SOX13: variants seen among roughly 807,000 people sequenced by gnomAD.
SOX13 encodes the protein SRY-box transcription factor 13.
SOX13 carries 28 observed loss-of-function variants against 71.8 expected under a neutral mutation model. The ratio of observed to expected loss-of-function variants is 0.39; its 90% CI spans 0.29 to 0.53. The LOEUF (loss-of-function observed/expected upper bound fraction) is 0.53. SOX13 is among the 20% of genes least tolerant of loss of function. The pLI, the probability that SOX13 is intolerant of heterozygous loss-of-function variation, is 0.70. For synonymous variants in SOX13, 309 were observed against 317.8 expected, an observed-to-expected ratio of 0.97 and a Z score of 0.29; for missense variants, 627 against 810.3, an observed-to-expected ratio of 0.77 and a Z score of 2.75.
At position 204,114,301 on chromosome 1, in the gene SOX13, C is replaced by G; in HGVS notation, c.220-20C>G. 1.3e-6 allele frequency: 2 copies of G among 1,513,550 alleles called. No individual in the cohort carries two copies. The highest frequency in any genetic ancestry group is 1.8e-6 in the Non-Finnish European group (2 of 1,102,850). The allele number at this position is 1,513,550 out of a possible 1,614,324, so 93.8% of individuals were successfully genotyped here. A position where few individuals can be genotyped will look rare whatever the true frequency, so the allele number is the denominator to read the frequency against. On this transcript the variant is annotated intron_variant, in intron 2 of 13. Transcript: ENST00000367204. Reference sequence around the variant, plus strand: ...CCCCTTCTCTTGGGGGTTATGGTGACAATTCAGTATGTCTTGCAGGACTGT... The same window carrying G: ...CCCCTTCTCTTGGGGGTTATGGTGAGAATTCAGTATGTCTTGCAGGACTGT...
At position 204,123,120 on chromosome 1, in the gene SOX13, C is replaced by T. The variant is rs1656845539; in HGVS notation, c.1143C>T (p.Ile381=). Residue 381 remains isoleucine (I), a synonymous_variant, in exon 11 of 14, where the codon ATC becomes ATT. Coordinates refer to ENST00000367204, the MANE Select transcript of SOX13 (RefSeq NM_005686.3). The surrounding 1 kb of genome is among the most constrained non-coding windows in gnomAD (Gnocchi z 5.0). ...TGCCCCTGTCAACCTAGGACCTCATCAGCCTGGACTCATCCCCAGCCAAGG... is the reference window on the plus strand; with the variant it reads ...TGCCCCTGTCAACCTAGGACCTCATTAGCCTGGACTCATCCCCAGCCAAGG... ...SPNTPFRKDL[I]SLDSSPAKER... is the part of the protein sequence containing the mutation. The T allele has an allele frequency of 6.2e-7, 1 of 1,613,754 alleles. No individual in the cohort carries two copies. Among genetic ancestry groups the T allele is most frequent in the South Asian group, 1.1e-5 (1 of 91,078 alleles).
intron 4 of SOX13, chr1:204,115,941 C>T (rs1656683705): frequency 1.4e-5 from 3 of 211,862 alleles, no homozygotes; most frequent in Non-Finnish European, 2.9e-5. Flanking sequence ...GCTGGGATTA[C>T]AGGCGTGAGC....
Position 204,124,745 on chromosome 1 carries a change from A to C in SOX13, c.1480A>C (p.Lys494Gln). The change falls in exon 13 of 14, where the codon AAG (lysine) becomes CAG (glutamine). Residue 494 changes from lysine to glutamine, a missense_variant. Physicochemically the swap from Lys to Gln is moderately conservative, Grantham distance 53. Coordinates refer to ENST00000367204, the MANE Select transcript of SOX13 (RefSeq NM_005686.3). ...HLEKYPDYKY[K>Q]PRPKRTCIVE... ...GGAGAAGTATCCTGACTACAAGTACAAGCCGCGGCCCAAGCGCACCTGCAT... is the reference window on the plus strand; with the variant it reads ...GGAGAAGTATCCTGACTACAAGTACCAGCCGCGGCCCAAGCGCACCTGCAT... The C allele has an allele frequency of 6.2e-7, 1 of 1,611,162 alleles. No individual in the cohort carries two copies. Among genetic ancestry groups the C allele is most frequent in the South Asian group, 1.1e-5 (1 of 90,336 alleles).
At chr1:204,086,499 T>C (rs904045371) in intron 1 of SOX13, among the ~76,000 whole-genome samples, 3 of 151,604 alleles carry the variant, frequency 2.0e-5, no homozygotes, top group African/African-American at 7.3e-5. Flanking sequence ...AGAAGGAGTT[T>C]ATCATGTTGG....
intron 1 of SOX13, among the ~76,000 whole-genome samples, chr1:204,102,550 T>C (rs2102242898): frequency 6.6e-6 from 1 of 151,866 alleles, no homozygotes; most frequent in South Asian, 2.1e-4. Context: ...GCTTCCAGGG[T>C]GGTTGGGGAC....
chr1:204,082,020 C>G (rs138211709), intron 1 of SOX13, among the ~76,000 whole-genome samples: 3,187 of 151,564 alleles, frequency 0.021, 39 homozygotes, highest in Middle Eastern at 0.041. Context: ...CCCCTTCAGC[C>G]CCTGCTGTTT....
At chr1:204,099,064 G>A (rs1656309394) in intron 1 of SOX13, among the ~76,000 whole-genome samples, 1 of 152,228 alleles carries the variant, frequency 6.6e-6, no homozygotes, top group South Asian at 2.1e-4. Flanking sequence ...TGGCCCAGCA[G>A]AGGTGGGACA....
At chr1:204,092,530 A>T (rs866216385) in intron 1 of SOX13, among the ~76,000 whole-genome samples, 59 of 152,370 alleles carry the variant, frequency 3.9e-4, no homozygotes, top group African/African-American at 1.3e-3. Context: ...GTGGGAAAAG[A>T]ATAACACCTA....
At position 204,120,751 on chromosome 1, in the gene SOX13, C is replaced by T. The variant is rs1195980616; in HGVS notation, c.776-1149C>T. ...TTGCTGGTGCTCTGTCTGTGTGGCC[C>T]TCATCACCACCTGCCATGCACTTCA... is the stretch of plus-strand genomic sequence containing the variant. On this transcript the variant is annotated intron_variant, in intron 7 of 13. Coordinates refer to ENST00000367204, the MANE Select transcript of SOX13 (RefSeq NM_005686.3). Among the ~76,000 whole-genome samples, 4 of 152,194 alleles carry T rather than the reference C, an allele frequency of 2.6e-5. No individual in the cohort carries two copies. In the East Asian group the frequency reaches 7.7e-4, roughly 29 times the overall value.
chr1:204,097,617 G>T (rs1036289164), intron 1 of SOX13, among the ~76,000 whole-genome samples: 1 of 151,410 alleles, frequency 6.6e-6, no homozygotes, highest in Non-Finnish European at 1.5e-5. Flanking sequence ...CTTGAACCCG[G>T]GAGGTAGAGG....
Position 204,126,282 on chromosome 1 carries a change from C to A in SOX13, c.*148C>A. 1 of 875,838 alleles carries A rather than the reference C, an allele frequency of 1.1e-6. No homozygotes were observed. Among genetic ancestry groups the A allele is most frequent in the South Asian group, 1.7e-5 (1 of 57,962 alleles). 54.3% of individuals were successfully genotyped at this position (875,838 alleles called of 1,614,324 possible). A position where few individuals can be genotyped will look rare whatever the true frequency, so the allele number is the denominator to read the frequency against. ...AAAGCTGTGCACTTGCAGATACATTCATGAGGGGAGAGGCGCCCTCCCTTC... is the reference window on the plus strand; with the variant it reads ...AAAGCTGTGCACTTGCAGATACATTAATGAGGGGAGAGGCGCCCTCCCTTC... On this transcript the variant is annotated 3_prime_UTR_variant, in exon 14 of 14. Coordinates refer to ENST00000367204, the MANE Select transcript of SOX13 (RefSeq NM_005686.3).
chr1:204,099,655 C>G (rs1656322362), intron 1 of SOX13, among the ~76,000 whole-genome samples: 2 of 151,980 alleles, frequency 1.3e-5, no homozygotes, highest in South Asian at 2.1e-4. Flanking sequence ...TCAAGCAGTC[C>G]TCCCACTTCG....
intron 1 of SOX13, among the ~76,000 whole-genome samples, chr1:204,098,367 C>T (rs1030000845): frequency 5.9e-5 from 9 of 152,020 alleles, no homozygotes; most frequent in Admixed American, 1.3e-4. Flanking sequence ...ATCCCAGCTA[C>T]TCGGGAGGCT....
chr1:204,091,297 C>G (rs920712828), intron 1 of SOX13, among the ~76,000 whole-genome samples: 1 of 152,140 alleles, frequency 6.6e-6, no homozygotes, highest in Non-Finnish European at 1.5e-5. Context: ...CCCACTGGGA[C>G]CCAAACGAAT....
rs540104473 is a variant in SOX13, at chr1:204,118,074, G to A, written c.775+367G>A. On this transcript the variant is annotated intron_variant, in intron 7 of 13. Coordinates refer to ENST00000367204, the MANE Select transcript of SOX13 (RefSeq NM_005686.3). ...GGCCGAAGTGGGTGGATCACTTGAG[G>A]TCAGGAATTCGAGGCCAGCCTGGCC... is the stretch of plus-strand genomic sequence containing the variant. 3.4e-5 allele frequency: 6 copies of A among 174,778 alleles called. No homozygotes were observed. The East Asian group carries it at 9.5e-4, about 28-fold the overall frequency. 10.8% of individuals were successfully genotyped at this position (174,778 alleles called of 1,614,324 possible).
intron 1 of SOX13, among the ~76,000 whole-genome samples, chr1:204,091,907 T>C (rs966523132): frequency 8.5e-5 from 13 of 152,224 alleles, no homozygotes; most frequent in African/African-American, 3.1e-4. Flanking sequence ...GCTCTTTCTT[T>C]CTTTGTTTCT....
At chr1:204,103,916 C>G (rs541384748) in intron 1 of SOX13, among the ~76,000 whole-genome samples, 38 of 152,320 alleles carry the variant, frequency 2.5e-4, no homozygotes, top group South Asian at 1.2e-3. Context: ...ACACTGGGAG[C>G]CTCAATGGCG....
Position 204,106,056 on chromosome 1 carries a change from A to G in SOX13, c.-1-6859A>G, listed in dbSNP as rs77980904. Among the ~76,000 whole-genome samples, 1,458 of 152,338 alleles carry G rather than the reference A, an allele frequency of 9.6e-3. 24 individuals are homozygous for G. Among genetic ancestry groups the G allele is most frequent in the African/African-American group, 0.033 (1,377 of 41,568 alleles). On this transcript the variant is annotated intron_variant, in intron 1 of 13. Transcript: ENST00000367204. ...GACTGAAGCAAGGAGCATGCTGTGT[A>G]ACAAAGGAGTAAAGGAACTTGAGGG...
chr1:204,124,493 C>T (rs917953505), intron 12 of SOX13, 148 bp from the exon 13 acceptor site: 59 of 670,298 alleles, frequency 8.8e-5, no homozygotes, highest in Non-Finnish European at 1.4e-4. Flanking sequence ...AAGGAGCACC[C>T]GTATCGGGCC....
Sources: allele counts gnomAD v4.1 joint callset (sites outside exome capture counted in the v4.1 genomes callset), GRCh38; gene constraint gnomAD v4.1.1; non-coding constraint Gnocchi (gnomAD v3.1); transcripts MANE v1.5; gene names NCBI Gene and HGNC (gene_info 2026-07-23, HGNC 2026-07-21).